NYAP2: variants seen among roughly 807,000 people sequenced by gnomAD.
NYAP2 encodes the protein neuronal tyrosine-phosphorylated phosphoinositide-3-kinase adapter 2.
In NYAP2, 23 loss-of-function variants were observed where a neutral mutation model predicts 50.4. The ratio of observed to expected loss-of-function variants is 0.46; its 90% CI spans 0.33 to 0.65. NYAP2 has a LOEUF of 0.65. NYAP2 is among the 30% of genes least tolerant of loss of function. The pLI is 0.02. For missense variants in NYAP2, 885 were observed against 861.0 expected (o/e 1.03, Z -0.35); for synonymous variants, 394 against 365.2 (o/e 1.08, Z -0.90).
chr2:225,598,353 A>G (rs530766571), intron 5 of NYAP2, among the ~76,000 whole-genome samples: 1 of 152,232 alleles, frequency 6.6e-6, no homozygotes, highest in Non-Finnish European at 1.5e-5. Flanking sequence ...TAAAATAAAA[A>G]TTTTGCTTCC....
chr2:225,524,507 T>C (rs907923255), intron 4 of NYAP2, among the ~76,000 whole-genome samples: 1 of 152,124 alleles, frequency 6.6e-6, no homozygotes, highest in Non-Finnish European at 1.5e-5. Context: ...CCAGGAACAA[T>C]GTTTTGCATC....
intron 4 of NYAP2, among the ~76,000 whole-genome samples, chr2:225,565,556 T>C (rs886120905): frequency 2.6e-5 from 4 of 152,200 alleles, no homozygotes; most frequent in African/African-American, 9.6e-5. Context: ...AGCTCTGTGA[T>C]AGATAAATGT....
chr2:225,558,539 C>T (rs928057590), intron 4 of NYAP2, among the ~76,000 whole-genome samples: 1 of 152,164 alleles, frequency 6.6e-6, no homozygotes, highest in African/African-American at 2.4e-5. Context: ...TGTCCTCTCT[C>T]TCCAATAACA....
intron 5 of NYAP2, among the ~76,000 whole-genome samples, chr2:225,586,160 AATAAAATGTAT>A (rs1692386410): frequency 6.6e-6 from 1 of 152,236 alleles, no homozygotes; most frequent in African/African-American, 2.4e-5. Flanking sequence ...AACGATGTCA[AATAAAATGTAT>A]ACCTTAAACT....
intron 5 of NYAP2, among the ~76,000 whole-genome samples, chr2:225,612,475 T>C (rs934782943): frequency 1.3e-5 from 2 of 151,982 alleles, no homozygotes; most frequent in Non-Finnish European, 2.9e-5. Flanking sequence ...AGACCCTTGG[T>C]GAGTTTTCCT....
chr2:225,506,527 T>C (rs1690710060), intron 3 of NYAP2, among the ~76,000 whole-genome samples: 1 of 152,198 alleles, frequency 6.6e-6, no homozygotes, highest in South Asian at 2.1e-4. Context: ...GCCTAGCTGG[T>C]CCTGATACCT....
At chr2:225,423,512 G>A (rs540752640) in intron 3 of NYAP2, among the ~76,000 whole-genome samples, 1 of 152,264 alleles carries the variant, frequency 6.6e-6, no homozygotes, top group South Asian at 2.1e-4. Flanking sequence ...TTGATGGCAT[G>A]TATGAACTAT....
intron 5 of NYAP2, among the ~76,000 whole-genome samples, chr2:225,617,935 T>C (rs1299524363): frequency 6.6e-6 from 1 of 152,224 alleles, no homozygotes; most frequent in Non-Finnish European, 1.5e-5. Context: ...CTGAGGACTC[T>C]ATTAGATACT....
At chr2:225,629,424 T>C (rs909497327) in intron 6 of NYAP2, among the ~76,000 whole-genome samples, 4 of 152,216 alleles carry the variant, frequency 2.6e-5, no homozygotes, top group Non-Finnish European at 2.9e-5. Context: ...TTTTACTAGC[T>C]ATCTGGGCAT....
At chr2:225,696,087 C>T in the NYAP2 span, among the ~76,000 whole-genome samples, 23 of 151,852 alleles carry the variant, frequency 1.5e-4, no homozygotes, top group Non-Finnish European at 2.5e-4. Flanking sequence ...GTAATACATA[C>T]AACAATAACT....
chr2:225,538,952 C>T (rs926935709), intron 4 of NYAP2, among the ~76,000 whole-genome samples: 5 of 151,842 alleles, frequency 3.3e-5, no homozygotes, highest in South Asian at 4.2e-4. Flanking sequence ...CCCAACAACC[C>T]GTCATCTACA....
At chr2:225,457,670 A>C (rs1689760705) in intron 3 of NYAP2, among the ~76,000 whole-genome samples, 1 of 152,224 alleles carries the variant, frequency 6.6e-6, no homozygotes. Context: ...GACTGAACAG[A>C]TGACTCAATT....
At chr2:225,549,889 G>A (rs139207893) in intron 4 of NYAP2, among the ~76,000 whole-genome samples, 25 of 152,166 alleles carry the variant, frequency 1.6e-4, no homozygotes, top group African/African-American at 6.0e-4. Flanking sequence ...GGAGGCTGAG[G>A]CAGGAGAATC....
chr2:225,401,399 A>G (rs942161484), intron 2 of NYAP2, among the ~76,000 whole-genome samples: 2 of 152,094 alleles, frequency 1.3e-5, no homozygotes, highest in Admixed American at 6.6e-5. Context: ...GCTATTCCAT[A>G]CCATAAATAT....
the NYAP2 span, among the ~76,000 whole-genome samples, chr2:225,694,416 A>G: frequency 1.3e-5 from 2 of 151,908 alleles, no homozygotes; most frequent in African/African-American, 2.4e-5. Context: ...CTTGCTAAAC[A>G]TGCTATTTAT....
chr2:225,629,126 C>T (rs1228565218), intron 6 of NYAP2, among the ~76,000 whole-genome samples: 2 of 152,162 alleles, frequency 1.3e-5, no homozygotes, highest in Admixed American at 6.5e-5. Flanking sequence ...AGTTCTAGTC[C>T]AAGCTCAAAG....
chr2:225,651,676 G>A (rs964092040), exon 7 of NYAP2: 15 of 1,116,542 alleles, frequency 1.3e-5, no homozygotes, highest in Admixed American at 4.8e-5. Context: ...TAGGGGATGC[G>A]GGGGATGAGT....
At chr2:225,588,325 C>G (rs1157945785) in intron 5 of NYAP2, among the ~76,000 whole-genome samples, 1 of 151,964 alleles carries the variant, frequency 6.6e-6, no homozygotes, top group African/African-American at 2.4e-5. Flanking sequence ...CAGATATCAT[C>G]TTTGCCTTTT....
chr2:225,567,711 T>G (rs1321365863), intron 4 of NYAP2, among the ~76,000 whole-genome samples: 12 of 151,678 alleles, frequency 7.9e-5, no homozygotes, highest in Non-Finnish European at 1.8e-4. Context: ...TTATTTAGGG[T>G]AGGATGGTAC....
Sources: allele counts gnomAD v4.1 joint callset (sites outside exome capture counted in the v4.1 genomes callset), GRCh38; gene constraint gnomAD v4.1.1; transcripts MANE v1.5; gene names NCBI Gene and HGNC (gene_info 2026-07-23, HGNC 2026-07-21).